OPCML: variants seen among roughly 807,000 people sequenced by gnomAD.
The protein encoded by OPCML is opioid-binding protein/cell adhesion molecule.
In OPCML, 13 loss-of-function variants were observed where a neutral mutation model predicts 37.8. That is an observed-to-expected ratio of 0.34 (90% CI 0.22 to 0.55). OPCML has a LOEUF of 0.55. Among genes scored for constraint, OPCML ranks in the 20% least tolerant of loss-of-function variants. The probability of loss-of-function intolerance (pLI) is 0.91; values close to 1 mark genes in which losing one functional copy is unlikely to be tolerated. For synonymous variants in OPCML, 176 were observed against 168.8 expected (o/e 1.04, Z -0.33); for missense variants, 341 against 435.6 (o/e 0.78, Z 1.93).
chr11:132,664,244 G>T (rs969974061), intron 2 of OPCML, among the ~76,000 whole-genome samples: 2 of 152,036 alleles, frequency 1.3e-5, no homozygotes, highest in Non-Finnish European at 2.9e-5. Context: ...CTAGTTTTAT[G>T]ATTGCACATA....
chr11:132,790,251 T>C (rs1238984995), intron 2 of OPCML, among the ~76,000 whole-genome samples: 1 of 152,168 alleles, frequency 6.6e-6, no homozygotes, highest in Non-Finnish European at 1.5e-5. Flanking sequence ...GATTAATGGG[T>C]ACGAGCTTAC....
intron 3 of OPCML, among the ~76,000 whole-genome samples, chr11:132,554,863 G>GTTTTTTTTTTTTTTTTTTTT (rs5795789): frequency 1.1e-3 from 73 of 64,028 alleles, no homozygotes; most frequent in East Asian, 8.8e-3. Flanking sequence ...ATGGGGTAAA[G>GTTTTTTTTTTTTTTTTTTTT]TTTTTTTTTT....
intron 2 of OPCML, among the ~76,000 whole-genome samples, chr11:132,861,187 C>T (rs1036816009): frequency 6.6e-6 from 1 of 152,160 alleles, no homozygotes; most frequent in African/African-American, 2.4e-5. Context: ...TTTCTAAACA[C>T]CAGGCTCTCG....
At chr11:132,592,203 G>A (rs528253871) in intron 3 of OPCML, among the ~76,000 whole-genome samples, 3 of 152,328 alleles carry the variant, frequency 2.0e-5, no homozygotes, top group African/African-American at 4.8e-5. Context: ...GGTCTAGGGG[G>A]CCACAAGCTG....
intron 2 of OPCML, among the ~76,000 whole-genome samples, chr11:132,667,977 G>A (rs1942294196): frequency 6.6e-6 from 1 of 152,140 alleles, no homozygotes; most frequent in African/African-American, 2.4e-5. Flanking sequence ...TACGCCAAGT[G>A]AGCAACAGGG....
At position 133,173,832 on chromosome 11, in the gene OPCML, C is replaced by T. The variant is rs957316483; in HGVS notation, c.62-230822G>A. Among the ~76,000 whole-genome samples, 2 of 152,106 alleles carry T rather than the reference C, an allele frequency of 1.3e-5. No individual in the cohort carries two copies. The highest frequency in any genetic ancestry group is 1.3e-4 in the Admixed American group (2 of 15,284). On this transcript the variant is annotated intron_variant, in intron 1 of 7. Transcript: ENST00000524381. The surrounding 1 kb of genome is among the most constrained non-coding windows in gnomAD (Gnocchi z 7.8). ...ATACGACAGAGCCTAAAGATGCAGG[C>T]CTTGAGTTTATGAGGCAAATAATGA...
At chr11:133,409,888 T>A (rs1365539867) in intron 1 of OPCML, among the ~76,000 whole-genome samples, 2 of 152,132 alleles carry the variant, frequency 1.3e-5, no homozygotes, top group Non-Finnish European at 1.5e-5. Context: ...TATTGTGTGA[T>A]GCAGTCTCTT....
intron 3 of OPCML, among the ~76,000 whole-genome samples, chr11:132,574,824 T>C (rs1027116979): frequency 1.3e-5 from 2 of 151,984 alleles, no homozygotes; most frequent in Non-Finnish European, 2.9e-5. Context: ...ATCTTCTGCC[T>C]AGAGTTCTGT....
At chr11:132,537,242 T>C (rs915432443) in intron 3 of OPCML, among the ~76,000 whole-genome samples, 5 of 152,218 alleles carry the variant, frequency 3.3e-5, no homozygotes, top group Admixed American at 6.5e-5. Flanking sequence ...GATAGGCATA[T>C]ACATCAATGG....
chr11:132,621,116 C>G (rs959726468), intron 3 of OPCML, among the ~76,000 whole-genome samples: 1 of 152,226 alleles, frequency 6.6e-6, no homozygotes, highest in African/African-American at 2.4e-5. Context: ...TTCTAACCTC[C>G]TCTCATAGCT....
chr11:132,856,702 G>T (rs891546488), intron 2 of OPCML, among the ~76,000 whole-genome samples: 18 of 152,178 alleles, frequency 1.2e-4, no homozygotes, highest in African/African-American at 3.4e-4. Context: ...CCTCCAGTGA[G>T]CATGCATGGA....
intron 1 of OPCML, among the ~76,000 whole-genome samples, chr11:133,114,319 T>A (rs1488930734): frequency 6.6e-6 from 1 of 152,224 alleles, no homozygotes; most frequent in African/African-American, 2.4e-5. Flanking sequence ...TTCCCAGTTG[T>A]TCTGGCCAAA....
intron 1 of OPCML, among the ~76,000 whole-genome samples, chr11:133,305,051 G>A (rs578145227): frequency 3.9e-5 from 6 of 152,150 alleles, no homozygotes; most frequent in African/African-American, 1.4e-4. Context: ...TTCATGCAGA[G>A]AGTGATAAGC....
At chr11:132,689,044 G>T (rs1943297860) in intron 2 of OPCML, among the ~76,000 whole-genome samples, 1 of 151,620 alleles carries the variant, frequency 6.6e-6, no homozygotes, top group African/African-American at 2.4e-5. Flanking sequence ...AGCTGACTGT[G>T]CTCTTTGAGC....
At chr11:132,927,991 T>C (rs138815768) in intron 2 of OPCML, among the ~76,000 whole-genome samples, 39 of 151,950 alleles carry the variant, frequency 2.6e-4, no homozygotes, top group African/African-American at 8.7e-4. Flanking sequence ...AGAATGAGAA[T>C]TAATCAAAAT....
chr11:133,278,366 G>C (rs971338006), intron 1 of OPCML, among the ~76,000 whole-genome samples: 2 of 152,098 alleles, frequency 1.3e-5, no homozygotes, highest in African/African-American at 4.8e-5. Flanking sequence ...CCCTCAAAAA[G>C]CTTAAGGTTC....
chr11:132,890,897 AC>A (rs1207604232), intron 2 of OPCML, among the ~76,000 whole-genome samples: 1 of 151,212 alleles, frequency 6.6e-6, no homozygotes, highest in African/African-American at 2.4e-5. Context: ...AAGAAAAATG[AC>A]CCTATGATGA....
At chr11:133,410,634 TAAAAAAAAAAAAAAAAAAAAAAAAAAAA>T (rs71038527) in intron 1 of OPCML, among the ~76,000 whole-genome samples, 2 of 47,012 alleles carry the variant, frequency 4.3e-5, no homozygotes, top group South Asian at 1.2e-3. Flanking sequence ...AGAAAAAAAG[TAAAAAAAAAAAAAAAAAAAAAAAAAAAA>T]AAAAAAAAAA....
chr11:132,551,083 A>G (rs568374357), intron 3 of OPCML, among the ~76,000 whole-genome samples: 3 of 152,276 alleles, frequency 2.0e-5, no homozygotes, highest in Admixed American at 2.0e-4. Context: ...GCCCTTTCTC[A>G]GTGCAGCACA....
Sources: allele counts gnomAD v4.1 joint callset (sites outside exome capture counted in the v4.1 genomes callset), GRCh38; gene constraint gnomAD v4.1.1; non-coding constraint Gnocchi (gnomAD v3.1); transcripts MANE v1.5; gene names NCBI Gene and HGNC (gene_info 2026-07-23, HGNC 2026-07-21).